Variants in RBFOX1 observed in about 807,000 individuals in gnomAD.
The protein encoded by RBFOX1 is RNA binding fox-1 homolog 1.
In RBFOX1, 8 loss-of-function variants were observed where a neutral mutation model predicts 57.7. The observed-to-expected ratio is 0.14, with a 90% confidence interval of 0.08 to 0.25. The LOEUF (loss-of-function observed/expected upper bound fraction) is 0.25, where lower values mean the gene tolerates loss of function less well. Among genes scored for constraint, RBFOX1 ranks in the 10% least tolerant of loss-of-function variants. RBFOX1 has a pLI of 1.00. For missense variants in RBFOX1, 611 were observed against 548.5 expected, an observed-to-expected ratio of 1.11 and a Z score of -1.14; for synonymous variants, 326 against 222.4, an observed-to-expected ratio of 1.47 and a Z score of -4.15.
chr16:6,654,973 A>C (rs1305594342), intron 3 of RBFOX1, among the ~76,000 whole-genome samples: 2 of 140,870 alleles, frequency 1.4e-5, no homozygotes, highest in Non-Finnish European at 1.5e-5. Flanking sequence ...GTTGACGTTC[A>C]TTGTGTGTAT....
At chr16:6,281,620 TAAA>T (rs2076387101) in intron 1 of RBFOX1, among the ~76,000 whole-genome samples, 3 of 151,854 alleles carry the variant, frequency 2.0e-5, no homozygotes, top group Admixed American at 6.6e-5. Flanking sequence ...GAACACCGAG[TAAA>T]AAATAGTGGC....
intron 2 of RBFOX1, among the ~76,000 whole-genome samples, chr16:6,450,791 A>ATATATATG: frequency 4.5e-5 from 1 of 22,068 alleles, no homozygotes; most frequent in Admixed American, 7.6e-4. Context: ...ATATATATAC[A>ATATATATG]TATATATATG....
intron 4 of RBFOX1, among the ~76,000 whole-genome samples, chr16:5,964,464 C>T (rs2152291697): frequency 6.6e-6 from 1 of 152,184 alleles, no homozygotes; most frequent in Non-Finnish European, 1.5e-5. Flanking sequence ...ACATTATTCA[C>T]AATAGCCAAA....
In RBFOX1 at chr16:7,528,885, G is replaced by C. The variant is rs2152344243; in HGVS notation, c.270+10496G>C. Reference sequence around the variant, plus strand: ...AATGGCTCAGCCAGAACCTTGCAATGCTAGAGCTGGGAGAGCCAAAGAGTT... The same window carrying C: ...AATGGCTCAGCCAGAACCTTGCAATCCTAGAGCTGGGAGAGCCAAAGAGTT... On this transcript the variant is annotated intron_variant, in intron 5 of 15. Coordinates refer to ENST00000550418, the MANE Select transcript of RBFOX1 (RefSeq NM_018723.4). 2.0e-5 allele frequency among the ~76,000 whole-genome samples: 3 copies of C among 152,304 alleles called. No homozygotes were observed. The South Asian group carries it at 6.2e-4, about 32-fold the overall frequency.
chr16:5,788,515 G>C (rs2054586175), intron 3 of RBFOX1, among the ~76,000 whole-genome samples: 1 of 152,194 alleles, frequency 6.6e-6, no homozygotes, highest in African/African-American at 2.4e-5. Flanking sequence ...TGAAGTCCCA[G>C]CTAGTTGGGA....
intron 3 of RBFOX1, among the ~76,000 whole-genome samples, chr16:5,622,444 T>C (rs997412224): frequency 4.6e-5 from 7 of 152,226 alleles, no homozygotes; most frequent in African/African-American, 1.4e-4. Flanking sequence ...TGGTAAATAA[T>C]TGCTGGATGA....
intron 4 of RBFOX1, among the ~76,000 whole-genome samples, chr16:7,433,982 G>C (rs371705412): frequency 6.6e-6 from 1 of 152,184 alleles, no homozygotes; most frequent in East Asian, 1.9e-4. Context: ...GAGTATTTGT[G>C]AGAACGATGA....
chr16:6,942,125 G>C (rs943517099), intron 3 of RBFOX1, among the ~76,000 whole-genome samples: 1 of 152,166 alleles, frequency 6.6e-6, no homozygotes, highest in African/African-American at 2.4e-5. Context: ...TGTAATCCCA[G>C]CTACTTGGGA....
chr16:6,125,140 C>A (rs1184225095), intron 1 of RBFOX1, among the ~76,000 whole-genome samples: 1 of 152,208 alleles, frequency 6.6e-6, no homozygotes, highest in Non-Finnish European at 1.5e-5. Context: ...TGGTCTCATA[C>A]TGTAAGGGAC....
rs768172888 is a variant in RBFOX1 at position 6,530,682 on chromosome 16, T to C, written c.-63-123921T>C. On this transcript the variant is annotated intron_variant, in intron 2 of 15. Transcript: ENST00000550418. ...TCATGGTGGAAGGAGGAGCAAGTTA[T>C]GTCTTACATAGATGGTGGCAGGTGA... is the stretch of plus-strand genomic sequence containing the variant. Among the ~76,000 whole-genome samples, 5 of 152,184 alleles carry C rather than the reference T, an allele frequency of 3.3e-5. No homozygotes were observed. The East Asian group carries it at 5.8e-4, about 18-fold the overall frequency.
chr16:6,941,045 T>C lies in RBFOX1; in HGVS notation c.-15-111012T>C, dbSNP rs531051185. ...ACTTCTATATGTGTATGGACGCCTA[T>C]GTGCGTGTACGTAAGTGTGGAGGGA... is the stretch of plus-strand genomic sequence containing the variant. On this transcript the variant is annotated intron_variant, in intron 3 of 15. Coordinates refer to ENST00000550418, the MANE Select transcript of RBFOX1 (RefSeq NM_018723.4). Among the ~76,000 whole-genome samples, 28 of 152,134 alleles carry C rather than the reference T, an allele frequency of 1.8e-4. 1 individual carries two copies. In the South Asian group the frequency reaches 4.6e-3, roughly 25 times the overall value.
At position 7,477,567 on chromosome 16, in the gene RBFOX1, T is replaced by C. The variant is rs541877105; in HGVS notation, c.28-40580T>C. 1.1e-4 allele frequency among the ~76,000 whole-genome samples: 17 copies of C among 152,300 alleles called. No individual in the cohort carries two copies. In the South Asian group the frequency reaches 3.5e-3, roughly 32 times the overall value. ...AAATGTACTAAGCGAACTTGACAGA[T>C]TCCGGCTGGCTCCATATGGCATGGC... On this transcript the variant is annotated intron_variant, in intron 4 of 15. Transcript: ENST00000550418.
At chr16:5,264,368 C>T (rs1019584850) in intron 1 of RBFOX1, among the ~76,000 whole-genome samples, 2 of 152,106 alleles carry the variant, frequency 1.3e-5, no homozygotes, top group Non-Finnish European at 1.5e-5. Flanking sequence ...AGACTGTGCT[C>T]TGTTCTTGGG....
chr16:7,005,138 C>G (rs970849567), intron 3 of RBFOX1, among the ~76,000 whole-genome samples: 1 of 152,000 alleles, frequency 6.6e-6, no homozygotes, highest in Admixed American at 6.6e-5. Flanking sequence ...GAGCGAGATT[C>G]CATCTCAAAA....
At chr16:6,533,004 T>A (rs1307102958) in intron 2 of RBFOX1, among the ~76,000 whole-genome samples, 1 of 152,178 alleles carries the variant, frequency 6.6e-6, no homozygotes, top group Non-Finnish European at 1.5e-5. Context: ...CCTAGCTACT[T>A]GGGAATGAGT....
chr16:6,939,981 A>G (rs2078075406), intron 3 of RBFOX1, among the ~76,000 whole-genome samples: 1 of 152,196 alleles, frequency 6.6e-6, no homozygotes, highest in African/African-American at 2.4e-5. Flanking sequence ...AGTTTGTATA[A>G]TTTATATCAT....
At chr16:6,328,445 ATGT>A (rs1232225528) in intron 2 of RBFOX1, among the ~76,000 whole-genome samples, 1 of 152,148 alleles carries the variant, frequency 6.6e-6, no homozygotes, top group Non-Finnish European at 1.5e-5. Context: ...ATTTTTTTTA[ATGT>A]TGTGCATTGT....
intron 1 of RBFOX1, among the ~76,000 whole-genome samples, chr16:6,248,026 C>T (rs1397641521): frequency 6.6e-6 from 1 of 152,140 alleles, no homozygotes; most frequent in African/African-American, 2.4e-5. Flanking sequence ...ATCATCAATC[C>T]CTTCAAGTAC....
chr16:6,870,215 A>C lies in RBFOX1; in HGVS notation c.-15-181842A>C, dbSNP rs183254634. On this transcript the variant is annotated intron_variant, in intron 3 of 15. Coordinates refer to ENST00000550418, the MANE Select transcript of RBFOX1 (RefSeq NM_018723.4). ...TTATTTCATCTAGAATTTTGCAGGCAGAGCCAAGAGAGTTAGCAGCCTGGG... is the reference window on the plus strand; with the variant it reads ...TTATTTCATCTAGAATTTTGCAGGCCGAGCCAAGAGAGTTAGCAGCCTGGG... Among the ~76,000 whole-genome samples, 148 of 152,282 alleles carry C rather than the reference A, an allele frequency of 9.7e-4. 1 individual carries two copies. Among genetic ancestry groups the C allele is most frequent in the African/African-American group, 3.5e-3 (146 of 41,562 alleles).
Sources: gnomAD v4.1 joint callset for allele counts (sites outside exome capture counted in the v4.1 genomes callset) on GRCh38, gnomAD v4.1.1 for gene constraint, MANE v1.5 for transcripts, NCBI Gene and HGNC (gene_info 2026-07-23, HGNC 2026-07-21) for gene names.